The following ROBO2 variants were observed in gnomAD, a reference collection of about 807,000 sequenced individuals.
ROBO2 encodes roundabout guidance receptor 2.
ROBO2 carries 53 observed loss-of-function variants against 160.8 expected under a neutral mutation model. That is an observed-to-expected ratio of 0.33 (90% CI 0.26 to 0.41). The LOEUF (loss-of-function observed/expected upper bound fraction) is 0.41. Among genes scored for constraint, ROBO2 ranks in the 10% least tolerant of loss-of-function variants. The probability of loss-of-function intolerance (pLI) is 1.00; values close to 1 mark genes in which losing one functional copy is unlikely to be tolerated. For synonymous variants in ROBO2, 664 were observed against 611.7 expected (o/e 1.09, Z -1.26); for missense variants, 1,577 against 1,722.4 (o/e 0.92, Z 1.49).
At chr3:77,471,990 T>C (rs540334496) in intron 2 of ROBO2, among the ~76,000 whole-genome samples, 1 of 152,298 alleles carries the variant, frequency 6.6e-6, no homozygotes, top group African/African-American at 2.4e-5. Flanking sequence ...GAGGACAGCA[T>C]CTTTAGGTAG....
At chr3:76,719,930 A>C (rs947049245) in intron 2 of ROBO2, among the ~76,000 whole-genome samples, 1 of 152,170 alleles carries the variant, frequency 6.6e-6, no homozygotes, top group Non-Finnish European at 1.5e-5. Context: ...ATGTGTTTGA[A>C]AATCACTTAA....
intron 2 of ROBO2, among the ~76,000 whole-genome samples, chr3:77,429,162 T>C (rs568261023): frequency 6.6e-6 from 1 of 152,344 alleles, no homozygotes; most frequent in South Asian, 2.1e-4. Context: ...AAAGTGTGCA[T>C]TCAAAAGTAT....
chr3:76,774,381 T>A (rs907838509), intron 2 of ROBO2, among the ~76,000 whole-genome samples: 2 of 150,996 alleles, frequency 1.3e-5, no homozygotes, highest in Non-Finnish European at 3.0e-5. Context: ...GGAAAGATCC[T>A]ATCTGGTAAC....
intron 2 of ROBO2, among the ~76,000 whole-genome samples, chr3:76,652,190 G>C (rs1560308284): frequency 6.6e-6 from 1 of 152,172 alleles, no homozygotes; most frequent in Non-Finnish European, 1.5e-5. Flanking sequence ...ATCTTCTTCT[G>C]ACCAATTTTA....
intron 20 of ROBO2, among the ~76,000 whole-genome samples, chr3:77,602,693 C>T (rs1412367386): frequency 2.0e-5 from 3 of 149,754 alleles, no homozygotes; most frequent in East Asian, 3.9e-4. Context: ...CCACCACCGC[C>T]GCCGCCACCA....
chr3:76,662,749 G>C (rs1431317278), intron 2 of ROBO2, among the ~76,000 whole-genome samples: 1 of 152,154 alleles, frequency 6.6e-6, no homozygotes, highest in Non-Finnish European at 1.5e-5. Flanking sequence ...AGGAACAGGG[G>C]ACAGTCTGAG....
rs192321814 is a variant in ROBO2, at chr3:76,860,650, C to A, written c.110-237364C>A. On this transcript the variant is annotated intron_variant, in intron 2 of 26. Transcript: ENST00000487694. ...ACCTATCCTCGTCATTGTCTGCCAA[C>A]CTTTCTTGCAACCTAACCCATGTGT... is the stretch of plus-strand genomic sequence containing the variant. Among the ~76,000 whole-genome samples the A allele has an allele frequency of 1.1e-4, 16 of 152,228 alleles. No individual in the cohort carries two copies. In the East Asian group the frequency reaches 1.9e-3, roughly 18 times the overall value.
chr3:77,361,235 GA>G (rs761734078), intron 2 of ROBO2, among the ~76,000 whole-genome samples: 44 of 152,106 alleles, frequency 2.9e-4, no homozygotes, highest in Non-Finnish European at 5.9e-4. Flanking sequence ...TTGAATTTCA[GA>G]TAAGAGCAAA....
intron 2 of ROBO2, among the ~76,000 whole-genome samples, chr3:76,791,555 G>A (rs2063354564): frequency 6.8e-6 from 1 of 147,608 alleles, no homozygotes; most frequent in Non-Finnish European, 1.5e-5. Flanking sequence ...TACACACACT[G>A]ACACCAACTA....
chr3:77,228,165 T>C (rs919067686), intron 2 of ROBO2, among the ~76,000 whole-genome samples: 1 of 152,138 alleles, frequency 6.6e-6, no homozygotes, highest in Non-Finnish European at 1.5e-5. Context: ...AATTTTATTT[T>C]TATTTTTGTT....
chr3:77,432,028 A>G (rs962048017), intron 2 of ROBO2, among the ~76,000 whole-genome samples: 15 of 152,334 alleles, frequency 9.8e-5, no homozygotes, highest in African/African-American at 3.6e-4. Flanking sequence ...TATTTAGCAA[A>G]ACCAGGCTGA....
chr3:76,677,775 G>A (rs534979736), intron 2 of ROBO2, among the ~76,000 whole-genome samples: 1 of 151,820 alleles, frequency 6.6e-6, no homozygotes, highest in South Asian at 2.1e-4. Flanking sequence ...ATAATTTTGT[G>A]ATCATGTGAT....
chr3:76,805,692 GT>G (rs2064644252), intron 2 of ROBO2, among the ~76,000 whole-genome samples: 1 of 151,174 alleles, frequency 6.6e-6, no homozygotes, highest in Non-Finnish European at 1.5e-5. Flanking sequence ...GTGTGTGTGT[GT>G]GTGTGAATTT....
chr3:76,704,686 T>A (rs2093122492), intron 2 of ROBO2, among the ~76,000 whole-genome samples: 1 of 152,028 alleles, frequency 6.6e-6, no homozygotes, highest in Non-Finnish European at 1.5e-5. Flanking sequence ...AAACTAGAAT[T>A]GTGAAGGAGA....
At chr3:76,541,213 G>A (rs1314232143) in intron 2 of ROBO2, among the ~76,000 whole-genome samples, 2 of 152,036 alleles carry the variant, frequency 1.3e-5, no homozygotes, top group Admixed American at 6.6e-5. Flanking sequence ...TATAATTATG[G>A]AATAACTACT....
intron 2 of ROBO2, among the ~76,000 whole-genome samples, chr3:77,291,065 T>A: frequency 6.8e-6 from 1 of 147,546 alleles, no homozygotes; most frequent in African/African-American, 2.6e-5. Context: ...TGAGGCTAGA[T>A]CACCCCAGAC....
intron 2 of ROBO2, among the ~76,000 whole-genome samples, chr3:76,888,430 G>A (rs1182466066): frequency 1.3e-5 from 2 of 151,248 alleles, no homozygotes; most frequent in Non-Finnish European, 2.9e-5. Flanking sequence ...AGCAGGCCCA[G>A]GCTTAATACT....
At position 76,906,846 on chromosome 3, in the gene ROBO2, T is replaced by C. The variant is rs117418246; in HGVS notation, c.110-191168T>C. Reference sequence around the variant, plus strand: ...TTTTTCCTCTCTATATTGGTATCTCTCTGTTTGACTACAAATATATTAAAT... The same window carrying C: ...TTTTTCCTCTCTATATTGGTATCTCCCTGTTTGACTACAAATATATTAAAT... On this transcript the variant is annotated intron_variant, in intron 2 of 26. Transcript: ENST00000487694. 1.6e-4 allele frequency among the ~76,000 whole-genome samples: 25 copies of C among 152,302 alleles called. 2 individuals are homozygous for C. The East Asian group carries it at 4.4e-3, about 27-fold the overall frequency.
chr3:76,813,728 C>T (rs1295023372), intron 2 of ROBO2, among the ~76,000 whole-genome samples: 1 of 152,066 alleles, frequency 6.6e-6, no homozygotes, highest in Non-Finnish European at 1.5e-5. Context: ...TTGATACATA[C>T]ACATATGCAT....
Sources: allele counts gnomAD v4.1 joint callset (sites outside exome capture counted in the v4.1 genomes callset), GRCh38; gene constraint gnomAD v4.1.1; transcripts MANE v1.5; gene names NCBI Gene and HGNC (gene_info 2026-07-23, HGNC 2026-07-21).